Variants in AKIRIN2 observed in about 807,000 individuals in gnomAD.
AKIRIN2 encodes the protein akirin-2.
AKIRIN2 carries 6 observed loss-of-function variants against 29.3 expected under a neutral mutation model. The ratio of observed to expected loss-of-function variants is 0.20; its 90% CI spans 0.11 to 0.40. AKIRIN2 has a LOEUF of 0.40. AKIRIN2 is among the 10% of genes least tolerant of loss of function. The probability of loss-of-function intolerance (pLI) is 1.00; values close to 1 mark genes in which losing one functional copy is unlikely to be tolerated. For missense variants in AKIRIN2, 210 were observed against 276.1 expected (o/e 0.76, Z 1.70); for synonymous variants, 128 against 117.5 (o/e 1.09, Z -0.58).
chr6:87,688,466 C>T (rs951073553), intron 1 of AKIRIN2, among the ~76,000 whole-genome samples: 1 of 151,860 alleles, frequency 6.6e-6, no homozygotes, highest in Non-Finnish European at 1.5e-5. Flanking sequence ...AAAAAAAATG[C>T]CAGGCACAGT....
At position 87,684,506 on chromosome 6, in the gene AKIRIN2, T is replaced by C. The variant is rs567389319; in HGVS notation, c.236-2743A>G. ...CTTTTTATCACTCCAAAAACTTCTC[T>C]TGGGCTTCTCTGCAGTTAATTCACT... On this transcript the variant is annotated intron_variant, in intron 1 of 4. Transcript: ENST00000257787. Among the ~76,000 whole-genome samples the C allele has an allele frequency of 7.5e-4, 114 of 152,292 alleles. No homozygotes were observed. The South Asian group carries it at 0.022, about 29-fold the overall frequency.
At chr6:87,692,638 C>T (rs925661578) in intron 1 of AKIRIN2, among the ~76,000 whole-genome samples, 1 of 151,860 alleles carries the variant, frequency 6.6e-6, no homozygotes, top group Non-Finnish European at 1.5e-5. Flanking sequence ...ATGGCAAAAC[C>T]CTGTCTCTAC....
chr6:87,701,576 C>A lies in AKIRIN2; in HGVS notation c.109G>T (p.Ala37Ser), dbSNP rs778845897. ...GCGGCCGCCGACAACGGGGAGGCAG[C>A]GGCCGAGGTGGGCGCCGACAATGGC... is the stretch of plus-strand genomic sequence containing the variant. ...CAPLSAPTSAAASPLSAAAAT... is the reference protein window; with the variant it reads ...CAPLSAPTSASASPLSAAAAT... The change falls in exon 1 of 5, where the codon GCT (alanine) becomes TCT (serine). Residue 37 changes from alanine (A) to serine (S), a missense_variant. Around this residue, in one of 2 missense-constraint regions of AKIRIN2, gnomAD observed 199 missense variants for 236.5 expected, o/e 0.84. Transcript: ENST00000257787. 2.5e-5 allele frequency: 36 copies of A among 1,416,210 alleles called. No homozygotes were observed. Among genetic ancestry groups the A allele is most frequent in the Non-Finnish European group, 3.0e-5 (33 of 1,086,674 alleles). 87.7% of individuals were successfully genotyped at this position (1,416,210 alleles called of 1,614,324 possible).
chr6:87,687,303 G>A (rs1771203023), intron 1 of AKIRIN2, among the ~76,000 whole-genome samples: 1 of 150,088 alleles, frequency 6.7e-6, no homozygotes, highest in South Asian at 2.1e-4. Context: ...AGCACTTTGG[G>A]TGGCTAAGGT....
chr6:87,701,871 G>T lies in AKIRIN2; in HGVS notation c.-187C>A, dbSNP rs981819343. On this transcript the variant is annotated 5_prime_UTR_variant, in exon 1 of 5. Coordinates refer to ENST00000257787, the MANE Select transcript of AKIRIN2 (RefSeq NM_018064.4). ...CTGCCGCCGCTGCCTCCGCGGCAGG[G>T]GCAGTGGCCAGGGACGGCCCGGGTG... 1 of 451,074 alleles carries T rather than the reference G, an allele frequency of 2.2e-6. No homozygotes were observed. The highest frequency in any genetic ancestry group is 4.2e-5 in the Admixed American group (1 of 23,566). The allele number at this position is 451,074 out of a possible 1,614,324, so 27.9% of individuals were successfully genotyped here.
At chr6:87,700,679 G>C (rs950974570) in intron 1 of AKIRIN2, 7 of 152,404 alleles carry the variant, frequency 4.6e-5, no homozygotes, top group African/African-American at 1.7e-4. Context: ...TTTTCCCCCA[G>C]CATACTTTGT....
At chr6:87,693,250 C>A (rs1397131625) in intron 1 of AKIRIN2, among the ~76,000 whole-genome samples, 1 of 151,496 alleles carries the variant, frequency 6.6e-6, no homozygotes, top group East Asian at 1.9e-4. Context: ...AAGGCAATAA[C>A]CAAAATGAAG....
In AKIRIN2 at chr6:87,701,827, G is replaced by T; in HGVS notation, c.-143C>A. 3.6e-6 allele frequency: 2 copies of T among 550,526 alleles called. No individual in the cohort carries two copies. The highest frequency in any genetic ancestry group is 5.8e-6 in the Non-Finnish European group (2 of 345,562). 34.1% of individuals were successfully genotyped at this position (550,526 alleles called of 1,614,324 possible). A position where few individuals can be genotyped will look rare whatever the true frequency, so the allele number is the denominator to read the frequency against. On this transcript the variant is annotated 5_prime_UTR_variant, in exon 1 of 5. Transcript: ENST00000257787. ...GAGCCAAGCGGGTCGCGGAGCGCCGGCTGTGGAAAGGAGAGCCGCTGCCGC... is the reference window on the plus strand; with the variant it reads ...GAGCCAAGCGGGTCGCGGAGCGCCGTCTGTGGAAAGGAGAGCCGCTGCCGC...
chr6:87,676,407 A>C (rs958537461), intron 3 of AKIRIN2, among the ~76,000 whole-genome samples: 3 of 125,382 alleles, frequency 2.4e-5, no homozygotes, highest in Non-Finnish European at 3.2e-5. Flanking sequence ...TGGAGCTTGC[A>C]GTGAGCCAAG....
intron 1 of AKIRIN2, among the ~76,000 whole-genome samples, chr6:87,692,358 G>T (rs1771290324): frequency 6.6e-6 from 1 of 152,194 alleles, no homozygotes; most frequent in Admixed American, 6.5e-5. Context: ...CCTGAGATGA[G>T]AAAAATGAGG....
chr6:87,677,690 G>T, intron 3 of AKIRIN2, 128 bp downstream of exon 3: 1 of 1,184,738 alleles, frequency 8.4e-7, no homozygotes. Context: ...TTTCTTTCCT[G>T]AACTGAAATT....
intron 1 of AKIRIN2, among the ~76,000 whole-genome samples, chr6:87,688,128 T>G (rs962432593): frequency 4.6e-5 from 7 of 151,674 alleles, no homozygotes; most frequent in African/African-American, 1.5e-4. Flanking sequence ...AAACCTTGAG[T>G]TTTTTTTCTT....
intron 1 of AKIRIN2, among the ~76,000 whole-genome samples, chr6:87,687,064 A>G (rs1007664643): frequency 2.0e-5 from 3 of 150,364 alleles, no homozygotes; most frequent in Non-Finnish European, 4.4e-5. Context: ...AAAAAAAAAA[A>G]TCTTGAAAGT....
At chr6:87,693,121 C>T (rs898178915) in intron 1 of AKIRIN2, among the ~76,000 whole-genome samples, 2 of 151,888 alleles carry the variant, frequency 1.3e-5, no homozygotes, top group African/African-American at 2.4e-5. Context: ...CCCAGCTACT[C>T]GGGAGGCTGA....
At chr6:87,682,579 G>C (rs181852003) in intron 1 of AKIRIN2, among the ~76,000 whole-genome samples, 318 of 152,152 alleles carry the variant, frequency 2.1e-3, no homozygotes, top group African/African-American at 7.2e-3. Context: ...CTGCCTAGGG[G>C]TTTCCACTCC....
chr6:87,689,000 T>C (rs4707385), intron 1 of AKIRIN2, among the ~76,000 whole-genome samples: 44,083 of 152,102 alleles, frequency 0.29, 6,729 homozygotes, highest in Admixed American at 0.4. Flanking sequence ...GAATTTGACC[T>C]TGTAGTGATT....
At chr6:87,687,450 A>AAAAAAAC (rs1771206815) in intron 1 of AKIRIN2, among the ~76,000 whole-genome samples, 1 of 151,258 alleles carries the variant, frequency 6.6e-6, no homozygotes, top group African/African-American at 2.4e-5. Flanking sequence ...AAAAAAAAAA[A>AAAAAAAC]AAAAAACACA....
At position 87,677,882 on chromosome 6, in the gene AKIRIN2, C is replaced by T. The variant is rs200788620; in HGVS notation, c.465G>A (p.Leu155=). 3.7e-6 allele frequency: 6 copies of T among 1,613,960 alleles called. No individual in the cohort carries two copies. Among genetic ancestry groups the T allele is most frequent in the Non-Finnish European group, 5.1e-6 (6 of 1,180,010 alleles). ...GAACTTTCTCTTCACGTTCTTTCAA[C>T]AAACGTTCACAGATCATCCCAACCT... ...LRQVGMICER[L]LKEREEKVRE... The change falls in exon 3 of 5, where the codon TTG becomes TTA. Residue 155 remains leucine (L), a synonymous_variant. Coordinates refer to ENST00000257787, the MANE Select transcript of AKIRIN2 (RefSeq NM_018064.4).
chr6:87,681,856 C>T, intron 1 of AKIRIN2, 93 bp from the exon 2 acceptor site: 2 of 1,012,370 alleles, frequency 2.0e-6, no homozygotes, highest in Non-Finnish European at 2.8e-6. Context: ...CCAATCTACC[C>T]AAAATACTCC....
Sources: gnomAD v4.1 joint callset for allele counts (sites outside exome capture counted in the v4.1 genomes callset) on GRCh38, gnomAD v4.1.1 for gene constraint, gnomAD v4.1.1 regional missense constraint, MANE v1.5 for transcripts, NCBI Gene and HGNC (gene_info 2026-07-23, HGNC 2026-07-21) for gene names.